The following CADM2 variants were observed in gnomAD, a reference collection of about 807,000 sequenced individuals.
The protein encoded by CADM2 is cell adhesion molecule 2, also known as immunoglobulin superfamily member 4D.
In CADM2, 12 loss-of-function variants were observed where a neutral mutation model predicts 49.8. The observed-to-expected ratio is 0.24, with a 90% CI of 0.15 to 0.39. The LOEUF (loss-of-function observed/expected upper bound fraction) is 0.39, where lower values mean the gene tolerates loss of function less well. CADM2 is among the 10% of genes least tolerant of loss of function. CADM2 has a pLI of 1.00. For missense variants in CADM2, 378 were observed against 492.3 expected (o/e 0.77, Z 2.20); for synonymous variants, 214 against 175.4 (o/e 1.22, Z -1.74).
chr3:85,559,681 CACACACAT>C (rs796886827), intron 1 of CADM2, among the ~76,000 whole-genome samples: 9 of 78,460 alleles, frequency 1.1e-4, no homozygotes, highest in Non-Finnish European at 3.0e-4. Flanking sequence ...CACACACACA[CACACACAT>C]ATATATATAT....
intron 7 of CADM2, among the ~76,000 whole-genome samples, chr3:85,945,628 G>A (rs1722578642): frequency 6.6e-6 from 1 of 152,080 alleles, no homozygotes; most frequent in Non-Finnish European, 1.5e-5. Context: ...TTCAACATAT[G>A]AAAATCAGTA....
At chr3:85,518,575 C>T (rs2060957386) in intron 1 of CADM2, among the ~76,000 whole-genome samples, 1 of 152,144 alleles carries the variant, frequency 6.6e-6, no homozygotes, top group Non-Finnish European at 1.5e-5. Flanking sequence ...AAATTAGTTT[C>T]ACCTGGGAAA....
chr3:85,871,192 T>C (rs1310568346), intron 3 of CADM2, among the ~76,000 whole-genome samples: 1 of 152,014 alleles, frequency 6.6e-6, no homozygotes, highest in Non-Finnish European at 1.5e-5. Flanking sequence ...TTTACATGAA[T>C]AAACAACCCC....
chr3:85,328,758 A>G (rs1000464653), intron 1 of CADM2, among the ~76,000 whole-genome samples: 1 of 152,196 alleles, frequency 6.6e-6, no homozygotes, highest in African/African-American at 2.4e-5. Flanking sequence ...CTAAGTCTAG[A>G]GACAGCCTCT....
chr3:85,796,720 AT>A (rs895439957), intron 2 of CADM2, among the ~76,000 whole-genome samples: 6 of 151,586 alleles, frequency 4.0e-5, no homozygotes, highest in Non-Finnish European at 8.8e-5. Flanking sequence ...GGGTAATAAG[AT>A]TTTTTTTTCC....
intron 8 of CADM2, among the ~76,000 whole-genome samples, chr3:86,039,731 A>AG (rs1445913361): frequency 1.3e-5 from 2 of 152,162 alleles, no homozygotes; most frequent in Non-Finnish European, 2.9e-5. Flanking sequence ...CTTTGAAGAG[A>AG]GTAGTGGTTC....
At chr3:85,640,129 T>C (rs1324920986) in intron 1 of CADM2, among the ~76,000 whole-genome samples, 1 of 152,206 alleles carries the variant, frequency 6.6e-6, no homozygotes. Context: ...GCCTCTGCCT[T>C]GTGCTGTCAT....
chr3:85,898,939 A>G (rs182508674), intron 5 of CADM2, among the ~76,000 whole-genome samples: 775 of 29,082 alleles, frequency 0.027, 38 homozygotes, highest in African/African-American at 0.16. Context: ...TTTATTGTGT[A>G]TATATATATA....
intron 2 of CADM2, among the ~76,000 whole-genome samples, chr3:85,737,713 A>G (rs111749889): frequency 0.015 from 2,273 of 151,866 alleles, 88 homozygotes; most frequent in Admixed American, 0.086. Context: ...GCCCACCACC[A>G]TGCCTGGCTA....
chr3:85,363,818 A>T (rs1182373480), intron 1 of CADM2, among the ~76,000 whole-genome samples: 2 of 151,038 alleles, frequency 1.3e-5, no homozygotes, highest in East Asian at 2.0e-4. Context: ...TCACCGTGTT[A>T]GCCAGGATGG....
At chr3:85,665,977 T>C (rs921992468) in intron 1 of CADM2, among the ~76,000 whole-genome samples, 2 of 151,970 alleles carry the variant, frequency 1.3e-5, no homozygotes, top group African/African-American at 4.8e-5. Flanking sequence ...GACATGAGTG[T>C]ATATTTAGAA....
chr3:85,245,508 C>G (rs2042626744), intron 1 of CADM2, among the ~76,000 whole-genome samples: 1 of 143,386 alleles, frequency 7.0e-6, no homozygotes, highest in African/African-American at 2.8e-5. Flanking sequence ...GAGGCTCTGT[C>G]TCAAAAAAAA....
intron 1 of CADM2, among the ~76,000 whole-genome samples, chr3:84,992,298 A>T (rs6796144): frequency 0.09 from 13,717 of 152,250 alleles, 836 homozygotes; most frequent in Non-Finnish European, 0.14. Flanking sequence ...ACCCTTACTT[A>T]TTGAATTTAC....
At chr3:85,375,049 T>C (rs2033505207) in intron 1 of CADM2, among the ~76,000 whole-genome samples, 1 of 152,212 alleles carries the variant, frequency 6.6e-6, no homozygotes, top group Non-Finnish European at 1.5e-5. Flanking sequence ...CAAAATTTAT[T>C]ATAGGAGATT....
chr3:85,963,989 T>A (rs1725163906), intron 8 of CADM2, among the ~76,000 whole-genome samples: 1 of 152,002 alleles, frequency 6.6e-6, no homozygotes, highest in East Asian at 2.0e-4. Flanking sequence ...GAAACCATAT[T>A]ATGCTGTGTT....
At chr3:85,510,997 T>C (rs2040589880) in intron 1 of CADM2, among the ~76,000 whole-genome samples, 1 of 152,040 alleles carries the variant, frequency 6.6e-6, no homozygotes, top group Admixed American at 6.6e-5. Flanking sequence ...TGCATAGATG[T>C]AATTATATTG....
chr3:84,998,761 G>C (rs2033305463), intron 1 of CADM2, among the ~76,000 whole-genome samples: 1 of 152,000 alleles, frequency 6.6e-6, no homozygotes, highest in African/African-American at 2.4e-5. Context: ...TGTGATCAGG[G>C]GCAGGTAGCC....
At chr3:85,656,731 A>G (rs1443500545) in intron 1 of CADM2, among the ~76,000 whole-genome samples, 1 of 152,194 alleles carries the variant, frequency 6.6e-6, no homozygotes, top group African/African-American at 2.4e-5. Context: ...ATGTGAGTGT[A>G]CTGTGCTCTA....
intron 1 of CADM2, among the ~76,000 whole-genome samples, chr3:85,171,152 T>C (rs565105862): frequency 3.9e-5 from 6 of 152,278 alleles, no homozygotes; most frequent in East Asian, 1.9e-4. Flanking sequence ...TATTCACAAG[T>C]GTTATCTTTC....
Sources: gnomAD v4.1 joint callset for allele counts (sites outside exome capture counted in the v4.1 genomes callset) on GRCh38, gnomAD v4.1.1 for gene constraint, MANE v1.5 for transcripts, NCBI Gene and HGNC (gene_info 2026-07-23, HGNC 2026-07-21) for gene names.